Variants in NVL observed in about 807,000 individuals in gnomAD.
NVL encodes the protein nuclear valosin-containing protein-like.
NVL carries 84 observed loss-of-function variants against 110.2 expected under a neutral mutation model. That is an observed-to-expected ratio of 0.76 (90% CI 0.64 to 0.91). The LOEUF (loss-of-function observed/expected upper bound fraction) is 0.91, where lower values mean the gene tolerates loss of function less well. Ranked by LOEUF, NVL falls within the 40% of genes least tolerant of loss-of-function variation. The pLI, the probability that NVL is intolerant of heterozygous loss-of-function variation, is 0.00. For missense variants in NVL, 882 were observed against 1,035.9 expected (o/e 0.85, Z 2.04); for synonymous variants, 354 against 361.1 (o/e 0.98, Z 0.22).
intron 17 of NVL, among the ~76,000 whole-genome samples, chr1:224,270,881 A>G (rs886237686): frequency 7.2e-5 from 11 of 152,196 alleles, no homozygotes; most frequent in African/African-American, 2.4e-4. Context: ...GGAAATGGTT[A>G]TTTTCACACA....
chr1:224,289,666 G>C lies in NVL; in HGVS notation c.1393C>G (p.Leu465Val), dbSNP rs746255336. 152 of 1,614,124 alleles carry C rather than the reference G, an allele frequency of 9.4e-5. No homozygotes were observed. Among genetic ancestry groups the C allele is most frequent in the Non-Finnish European group, 1.2e-4 (145 of 1,180,044 alleles). ...QAFDFCHLAH[L>V]TPGFVGADLM... ...TCAGCACCAACAAAGCCTGGAGTTA[G>C]GTGTGCTAAGTGACAGAAATCAAAA... Residue 465 changes from leucine (L) to valine (V), a missense_variant, in exon 13 of 23, where the codon CTA (leucine) becomes GTA (valine). Coordinates refer to ENST00000281701, the MANE Select transcript of NVL (RefSeq NM_002533.4).
intron 16 of NVL, among the ~76,000 whole-genome samples, chr1:224,280,169 GTTTTTTTTTGT>G (rs1329872827): frequency 7.6e-6 from 1 of 130,980 alleles, no homozygotes; most frequent in African/African-American, 3.1e-5. Flanking sequence ...GTGTACTGCT[GTTTTTTTTTGT>G]TTTTTTTTTT....
rs1667026119 is a variant in NVL, at chr1:224,287,971, C to T, written c.1598G>A (p.Gly533Glu). ...GAGGGGATCTTGGTCTCTTAGCAACCCCAGCAGCCTTTGTAATTCATCCTT... is the reference window on the plus strand; with the variant it reads ...GAGGGGATCTTGGTCTCTTAGCAACTCCAGCAGCCTTTGTAATTCATCCTT... ...ETQDELQRLL[G>E]LLRDQDPLSE... The change falls in exon 14 of 23, where the codon GGG (glycine) becomes GAG (glutamate). Residue 533 changes from glycine to glutamate, a missense_variant. Gly to Glu is a moderately conservative substitution (Grantham distance 98). Transcript: ENST00000281701. 6.2e-7 allele frequency: 1 copy of T among 1,613,156 alleles called. No homozygotes were observed. The highest frequency in any genetic ancestry group is 8.5e-7 in the Non-Finnish European group (1 of 1,179,954).
At chr1:224,281,286 T>TGC (rs878992820) in intron 15 of NVL, 101 bp from the exon 16 acceptor site, 75 of 620,302 alleles carry the variant, frequency 1.2e-4, no homozygotes, top group South Asian at 2.0e-4. Flanking sequence ...TCTGTGTGCG[T>TGC]GTGTGTGTGT....
rs543667235 is a variant in NVL at position 224,281,081 on chromosome 1, C to T, written c.1962+42G>A. 3.3e-6 allele frequency: 5 copies of T among 1,537,738 alleles called. No individual in the cohort carries two copies. In the African/African-American group the frequency reaches 6.8e-5, roughly 21 times the overall value. On this transcript the variant is annotated intron_variant, in intron 16 of 22. Coordinates refer to ENST00000281701, the MANE Select transcript of NVL (RefSeq NM_002533.4). ...TACCCCGTAATTTGCATGACCATTA[C>T]TTTTTCTAATCTAAAATAATGGTTC...
intron 8 of NVL, 111 bp from the exon 9 acceptor site, chr1:224,303,968 T>C: frequency 8.5e-7 from 1 of 1,172,342 alleles, no homozygotes; most frequent in Non-Finnish European, 1.1e-6. Context: ...AATATACACC[T>C]TAGACTTAGA....
intron 2 of NVL, among the ~76,000 whole-genome samples, chr1:224,325,592 G>T (rs1485507571): frequency 6.6e-6 from 1 of 152,052 alleles, no homozygotes; most frequent in East Asian, 1.9e-4. Flanking sequence ...AATTACCCAG[G>T]TGTGGTGGCA....
intron 18 of NVL, among the ~76,000 whole-genome samples, chr1:224,253,420 T>C (rs1474067320): frequency 6.6e-6 from 1 of 151,636 alleles, no homozygotes; most frequent in Non-Finnish European, 1.5e-5. Flanking sequence ...CATATCAAAC[T>C]GTAGGTATAT....
intron 18 of NVL, chr1:224,257,011 T>C (rs1663343910): frequency 2.0e-6 from 1 of 511,958 alleles, no homozygotes; most frequent in Non-Finnish European, 4.1e-6. Flanking sequence ...TGGTTCCCTA[T>C]CTAATTATGT....
At chr1:224,284,339 C>T (rs4654016) in intron 15 of NVL, among the ~76,000 whole-genome samples, 4 of 150,618 alleles carry the variant, frequency 2.7e-5, no homozygotes, top group African/African-American at 9.7e-5. Context: ...AGACAATTCA[C>T]AAAGAAATAT....
At chr1:224,317,584 A>AT in intron 4 of NVL, 110 bp downstream of exon 4, 1 of 672,530 alleles carries the variant, frequency 1.5e-6, no homozygotes, top group East Asian at 2.6e-5. Context: ...GGTTAGGTAA[A>AT]TATCACGCAG....
chr1:224,325,072 C>A (rs755738386), intron 2 of NVL, among the ~76,000 whole-genome samples: 2 of 151,770 alleles, frequency 1.3e-5, no homozygotes, highest in Non-Finnish European at 2.9e-5. Context: ...ACCAGCCTGG[C>A]CAACATGGTG....
intron 13 of NVL, 145 bp downstream of exon 13, chr1:224,289,339 C>T (rs1025703091): frequency 2.6e-5 from 17 of 641,794 alleles, no homozygotes; most frequent in African/African-American, 3.7e-5. Context: ...TGATAAACAT[C>T]GTGGGTATAA....
intron 18 of NVL, among the ~76,000 whole-genome samples, chr1:224,265,656 A>C (rs928408207): frequency 5.3e-5 from 8 of 152,240 alleles, no homozygotes; most frequent in Non-Finnish European, 8.8e-5. Context: ...TTAATCCCCA[A>C]TAAAACAGTG....
intron 5 of NVL, among the ~76,000 whole-genome samples, chr1:224,308,837 G>A (rs1415606966): frequency 1.3e-5 from 2 of 151,962 alleles, no homozygotes; most frequent in East Asian, 1.9e-4. Flanking sequence ...CGAGGCGGGC[G>A]GATCACGAGG....
At chr1:224,288,398 C>T (rs1436076783) in intron 13 of NVL, among the ~76,000 whole-genome samples, 1 of 152,010 alleles carries the variant, frequency 6.6e-6, no homozygotes, top group East Asian at 1.9e-4. Context: ...AATATGGTTC[C>T]TTGATGGTTT....
In NVL at chr1:224,276,911, T is replaced by TTGACACATAAAACTAGTTTTA. The variant is rs67501917; in HGVS notation, c.1963-1474_1963-1454dup. On this transcript the variant is annotated intron_variant, in intron 16 of 22. Coordinates refer to ENST00000281701, the MANE Select transcript of NVL (RefSeq NM_002533.4). ...TCCTCATCCTGATACTTTCTGGACT[T>TTGACACATAAAACTAGTTTTA]TGACACATAAAACTAGTTTTATGAC... Among the ~76,000 whole-genome samples the TTGACACATAAAACTAGTTTTA allele has an allele frequency of 4.8e-3, 576 of 120,062 alleles. 3 individuals are homozygous for TTGACACATAAAACTAGTTTTA. The highest frequency in any genetic ancestry group is 0.013 in the East Asian group (46 of 3,512). The allele number at this position is 120,062 out of a possible 152,430, so 78.8% of individuals were successfully genotyped here.
At chr1:224,237,572 GCAAA>G (rs1351137528) in intron 19 of NVL, among the ~76,000 whole-genome samples, 7 of 151,970 alleles carry the variant, frequency 4.6e-5, no homozygotes. Flanking sequence ...AACTGCAGAG[GCAAA>G]CAAAACAAGC....
chr1:224,325,619 G>C (rs1572083125), intron 2 of NVL, among the ~76,000 whole-genome samples: 1 of 152,128 alleles, frequency 6.6e-6, no homozygotes, highest in African/African-American at 2.4e-5. Flanking sequence ...TGTAATTCCA[G>C]CTACTTGGGA....
Sources: gnomAD v4.1 joint callset for allele counts (sites outside exome capture counted in the v4.1 genomes callset) on GRCh38, gnomAD v4.1.1 for gene constraint, MANE v1.5 for transcripts, NCBI Gene and HGNC (gene_info 2026-07-23, HGNC 2026-07-21) for gene names.